PPP2R2D: variants seen among roughly 807,000 people sequenced by gnomAD.
PPP2R2D encodes protein phosphatase 2 regulatory subunit Bdelta.
In PPP2R2D, 9 loss-of-function variants were observed where a neutral mutation model predicts 31.1. The observed-to-expected ratio is 0.29, with a 90% CI of 0.17 to 0.51. The LOEUF is 0.51. PPP2R2D is among the 20% of genes least tolerant of loss of function. The probability of loss-of-function intolerance (pLI) is 0.98; values close to 1 mark genes in which losing one functional copy is unlikely to be tolerated. For missense variants in PPP2R2D, 391 were observed against 465.6 expected (o/e 0.84, Z 1.48); for synonymous variants, 179 against 172.6 (o/e 1.04, Z -0.29).
intron 2 of PPP2R2D, among the ~76,000 whole-genome samples, chr10:131,906,771 A>AG (rs1589919925): frequency 2.0e-5 from 3 of 151,216 alleles, no homozygotes; most frequent in Admixed American, 6.6e-5. Flanking sequence ...AAAAAAAAAA[A>AG]AAAGAAAGAA....
intron 8 of PPP2R2D, among the ~76,000 whole-genome samples, chr10:131,954,205 G>A (rs1029911515): frequency 6.6e-6 from 1 of 152,196 alleles, no homozygotes; most frequent in African/African-American, 2.4e-5. Context: ...ACTATCTGTC[G>A]AGAATTTAAA....
the PPP2R2D span, among the ~76,000 whole-genome samples, chr10:131,965,088 G>C: frequency 0.021 from 3,125 of 152,158 alleles, 105 homozygotes; most frequent in African/African-American, 0.071. Context: ...CCTCCCATTT[G>C]CAGTTTGGAC....
Position 131,956,362 on chromosome 10 carries a change from A to G in PPP2R2D, c.*399A>G, listed in dbSNP as rs2036798673. 1.0e-6 allele frequency: 1 copy of G among 986,960 alleles called. No individual in the cohort carries two copies. The highest frequency in any genetic ancestry group is 1.7e-5 in the African/African-American group (1 of 57,236). The allele number at this position is 986,960 out of a possible 1,614,324, so 61.1% of individuals were successfully genotyped here. A position where few individuals can be genotyped will look rare whatever the true frequency, so the allele number is the denominator to read the frequency against. On this transcript the variant is annotated 3_prime_UTR_variant, in exon 9 of 9. Coordinates refer to ENST00000455566, the MANE Select transcript of PPP2R2D (RefSeq NM_018461.5). Reference sequence around the variant, plus strand: ...TCTCTGCCATCACACTTGGGCCTTCACTGCAGCGTGGTGTGGCCACCGTCC... The same window carrying G: ...TCTCTGCCATCACACTTGGGCCTTCGCTGCAGCGTGGTGTGGCCACCGTCC...
At chr10:131,936,172 G>T (rs1233299528) in intron 3 of PPP2R2D, among the ~76,000 whole-genome samples, 1 of 151,608 alleles carries the variant, frequency 6.6e-6, no homozygotes, top group Non-Finnish European at 1.5e-5. Context: ...TTTTGAGATG[G>T]AGTCTTGCTC....
intron 8 of PPP2R2D, among the ~76,000 whole-genome samples, chr10:131,952,104 G>T (rs1182495185): frequency 4.2e-5 from 6 of 141,324 alleles, no homozygotes; most frequent in African/African-American, 7.9e-5. Flanking sequence ...GTGCAGGGGG[G>T]TTCGCTGTCT....
rs782181700 is a variant in PPP2R2D, at chr10:131,955,916, G to A, written c.1315G>A (p.Val439Met). Reference sequence around the variant, plus strand: ...GCACCCCGTGGACAATGTCATTGCCGTGGCTGCCACCAATAACTTGTACAT... The same window carrying A: ...GCACCCCGTGGACAATGTCATTGCCATGGCTGCCACCAATAACTTGTACAT... The part of the protein sequence containing the change: ...AWHPVDNVIA[V>M]AATNNLYIFQ... The change falls in exon 9 of 9, where the codon GTG becomes ATG. Residue 439 changes from valine (V) to methionine (M), a missense_variant. Around this residue, in one of 3 missense-constraint regions of PPP2R2D, gnomAD observed 163 missense variants for 179.5 expected, o/e 0.91. Transcript: ENST00000455566. 14 of 1,584,944 alleles carry A rather than the reference G, an allele frequency of 8.8e-6. No individual in the cohort carries two copies. Among genetic ancestry groups the A allele is most frequent in the Admixed American group, 3.5e-5 (2 of 57,776 alleles).
intron 5 of PPP2R2D, among the ~76,000 whole-genome samples, chr10:131,942,586 G>A (rs1295244283): frequency 6.6e-6 from 1 of 152,082 alleles, no homozygotes; most frequent in East Asian, 1.9e-4. Context: ...AGAAATCTTG[G>A]CCAGGTATGG....
chr10:131,904,427 A>G lies in PPP2R2D; in HGVS notation c.100+3097A>G, dbSNP rs1378395018. ...TGGGAGGCTGAGGCAGGAGAATGGC[A>G]TGAACCCGGGAGGCAGAGCTTGCAG... On this transcript the variant is annotated intron_variant, in intron 2 of 8. Coordinates refer to ENST00000455566, the MANE Select transcript of PPP2R2D (RefSeq NM_018461.5). Among the ~76,000 whole-genome samples the G allele has an allele frequency of 3.2e-4, 46 of 145,632 alleles. No homozygotes were observed. In the East Asian group the frequency reaches 6.0e-3, roughly 19 times the overall value.
At chr10:131,952,009 T>C (rs1403371226) in intron 8 of PPP2R2D, among the ~76,000 whole-genome samples, 1 of 150,740 alleles carries the variant, frequency 6.6e-6, no homozygotes, top group East Asian at 2.0e-4. Flanking sequence ...GTCACTCTCT[T>C]AGCAGTGACT....
intron 2 of PPP2R2D, among the ~76,000 whole-genome samples, chr10:131,914,983 A>G (rs111629139): frequency 1.3e-5 from 2 of 152,224 alleles, no homozygotes; most frequent in African/African-American, 4.8e-5. Flanking sequence ...TGCACCCCTA[A>G]TAGTGACTCA....
At chr10:131,927,423 G>A (rs1296255758) in intron 2 of PPP2R2D, among the ~76,000 whole-genome samples, 10 of 152,200 alleles carry the variant, frequency 6.6e-5, no homozygotes, top group South Asian at 2.1e-4. Context: ...GGACGGGTGC[G>A]CGGGTTGGAG....
At chr10:131,965,946 G>A in the PPP2R2D span, among the ~76,000 whole-genome samples, 2 of 152,170 alleles carry the variant, frequency 1.3e-5, no homozygotes, top group South Asian at 4.1e-4. Context: ...TCGTTCTCTC[G>A]AGTCTCTATG....
chr10:131,962,030 C>T (rs1041158013), downstream of PPP2R2D, among the ~76,000 whole-genome samples: 6 of 152,206 alleles, frequency 3.9e-5, no homozygotes, highest in Non-Finnish European at 7.3e-5. Flanking sequence ...CACTGCCCTC[C>T]GGGGAGCACC....
intron 2 of PPP2R2D, among the ~76,000 whole-genome samples, chr10:131,910,435 A>G (rs1056380523): frequency 4.6e-5 from 7 of 152,176 alleles, no homozygotes; most frequent in African/African-American, 9.7e-5. Context: ...CCAAAATTCT[A>G]ATTTTCTCTT....
intron 2 of PPP2R2D, among the ~76,000 whole-genome samples, chr10:131,932,704 C>T (rs1183397685): frequency 2.1e-5 from 3 of 145,734 alleles, no homozygotes; most frequent in Admixed American, 6.9e-5. Context: ...CCTTTAGTAC[C>T]ATATTTATGC....
chr10:131,971,019 C>T, the PPP2R2D span: 351 of 1,549,378 alleles, frequency 2.3e-4, no homozygotes, highest in East Asian at 4.5e-3. Context: ...ACACGTGACA[C>T]GGGAAAGCAC....
At chr10:131,920,584 G>A (rs2119816648) in intron 2 of PPP2R2D, among the ~76,000 whole-genome samples, 1 of 152,358 alleles carries the variant, frequency 6.6e-6, no homozygotes, top group South Asian at 2.1e-4. Flanking sequence ...GGCAGAATTA[G>A]ATGTGGATTT....
At chr10:131,920,904 C>G (rs2119816791) in intron 2 of PPP2R2D, among the ~76,000 whole-genome samples, 1 of 152,292 alleles carries the variant, frequency 6.6e-6, no homozygotes, top group Non-Finnish European at 1.5e-5. Flanking sequence ...TGTGCTCCAG[C>G]CTGGGCAACA....
intron 2 of PPP2R2D, among the ~76,000 whole-genome samples, chr10:131,926,743 T>G (rs993743984): frequency 2.4e-4 from 36 of 152,244 alleles, no homozygotes; most frequent in Admixed American, 7.8e-4. Flanking sequence ...TTTTGACTGT[T>G]GTGTGTCATC....
Sources: allele counts gnomAD v4.1 joint callset (sites outside exome capture counted in the v4.1 genomes callset), GRCh38; gene constraint gnomAD v4.1.1; regional missense constraint gnomAD v4.1.1; transcripts MANE v1.5; gene names NCBI Gene and HGNC (gene_info 2026-07-23, HGNC 2026-07-21).